ERC1: variants seen among roughly 807,000 people sequenced by gnomAD.
ERC1 encodes the protein RAB6 interacting protein 2.
Under a neutral mutation model 132.0 loss-of-function variants are expected in ERC1, and 56 were observed. The observed-to-expected ratio is 0.42, with a 90% CI of 0.34 to 0.53. ERC1 has a LOEUF of 0.53. ERC1 is among the 20% of genes least tolerant of loss of function. The pLI is 0.03. For synonymous variants in ERC1, 478 were observed against 476.1 expected, an observed-to-expected ratio of 1.00 and a Z score of -0.05; for missense variants, 1,202 against 1,349.9, an observed-to-expected ratio of 0.89 and a Z score of 1.72.
chr12:1,084,868 TA>T (rs149894017), intron 3 of ERC1, among the ~76,000 whole-genome samples: 5 of 150,386 alleles, frequency 3.3e-5, no homozygotes, highest in Admixed American at 6.6e-5. Context: ...ATTTTTAAAT[TA>T]AAAAAAAAAT....
intron 13 of ERC1, among the ~76,000 whole-genome samples, chr12:1,254,940 C>A (rs1202243151): frequency 6.7e-6 from 1 of 150,170 alleles, no homozygotes; most frequent in Non-Finnish European, 1.5e-5. Context: ...CATCTCAAAT[C>A]CACTTTTTTT....
chr12:1,437,967 C>G (rs1173189616), intron 17 of ERC1, among the ~76,000 whole-genome samples: 1 of 152,150 alleles, frequency 6.6e-6, no homozygotes, highest in Non-Finnish European at 1.5e-5. Context: ...CAATCTGAAA[C>G]CTTTGGAGAG....
intron 2 of ERC1, among the ~76,000 whole-genome samples, chr12:1,073,693 C>G (rs1224152308): frequency 6.6e-6 from 1 of 152,066 alleles, no homozygotes; most frequent in African/African-American, 2.4e-5. Flanking sequence ...CAACAAAAAC[C>G]CGTAACATAG....
intron 1 of ERC1, among the ~76,000 whole-genome samples, chr12:1,008,697 T>C (rs531076343): frequency 3.3e-5 from 5 of 152,236 alleles, no homozygotes; most frequent in South Asian, 2.1e-4. Context: ...ATCAGAAATA[T>C]TTCATCTGTA....
chr12:1,157,678 A>G lies in ERC1; in HGVS notation c.1737+15891A>G, dbSNP rs544213485. Among the ~76,000 whole-genome samples the G allele has an allele frequency of 4.6e-5, 7 of 152,230 alleles. No homozygotes were observed. The South Asian group carries it at 1.4e-3, about 32-fold the overall frequency. On this transcript the variant is annotated intron_variant, in intron 8 of 18. Coordinates refer to ENST00000360905, the MANE Select transcript of ERC1 (RefSeq NM_178040.4). ...TGATTTTGTCAAATTTTCCTCTTCC[A>G]AAAAATGAACTTGTTACTTTTTTTA...
chr12:1,138,265 A>AATATAATTACAATATATGATATATATT (rs1380554672), intron 7 of ERC1, among the ~76,000 whole-genome samples: 6 of 134,004 alleles, frequency 4.5e-5, no homozygotes, highest in African/African-American at 1.7e-4. Flanking sequence ...TATATTATAT[A>AATATAATTACAATATATGATATATATT]ATATAATTAC....
chr12:1,099,991 G>C (rs1367895063), intron 3 of ERC1, among the ~76,000 whole-genome samples: 1 of 151,774 alleles, frequency 6.6e-6, no homozygotes, highest in African/African-American at 2.4e-5. Context: ...GGGATTGCAG[G>C]TGCGCACCAC....
At chr12:1,394,024 AAAAAAAAAACAAAAAAAAAACCAC>A (rs2090240420) in intron 16 of ERC1, among the ~76,000 whole-genome samples, 2 of 107,842 alleles carry the variant, frequency 1.9e-5, no homozygotes, top group African/African-American at 4.5e-5. Context: ...TCAAAAAAAA[AAAAAAAAAACAAAAAAAAAACCAC>A]AAAGCATTAA....
intron 15 of ERC1, among the ~76,000 whole-genome samples, chr12:1,290,399 C>T (rs1301397096): frequency 2.0e-5 from 3 of 152,252 alleles, no homozygotes; most frequent in South Asian, 4.1e-4. Flanking sequence ...TCCAAAGGTA[C>T]ACACAGGTAG....
intron 12 of ERC1, among the ~76,000 whole-genome samples, chr12:1,222,515 C>G (rs1959087491): frequency 1.3e-5 from 2 of 152,058 alleles, no homozygotes; most frequent in South Asian, 4.2e-4. Context: ...ACACCTGGCC[C>G]ATATTCTCTA....
chr12:1,092,228 A>C (rs1196973281), intron 3 of ERC1, among the ~76,000 whole-genome samples: 1 of 151,872 alleles, frequency 6.6e-6, no homozygotes, highest in Non-Finnish European at 1.5e-5. Context: ...TGAACTCCTG[A>C]CCTCGTGATC....
intron 17 of ERC1, among the ~76,000 whole-genome samples, chr12:1,439,979 C>T (rs926895878): frequency 2.6e-5 from 4 of 152,098 alleles, no homozygotes; most frequent in African/African-American, 9.7e-5. Context: ...AGTTTTTTTA[C>T]AGATAGATTT....
At chr12:1,268,659 G>A (rs778568214) in intron 14 of ERC1, among the ~76,000 whole-genome samples, 1 of 152,102 alleles carries the variant, frequency 6.6e-6, no homozygotes, top group Non-Finnish European at 1.5e-5. Context: ...ACAGCTACTC[G>A]GGAGGCTGAG....
chr12:1,362,450 C>CTG, intron 15 of ERC1, among the ~76,000 whole-genome samples: 1 of 147,180 alleles, frequency 6.8e-6, no homozygotes, highest in Middle Eastern at 3.6e-3. Flanking sequence ...CTCTCTCTGT[C>CTG]TCTCTCTCTC....
At position 1,291,438 on chromosome 12, in the gene ERC1, A is replaced by G. The variant is rs111330756; in HGVS notation, c.2780+1426A>G. ...TCACTCTGTAGTCACTGCAGGACCC[A>G]CCATATTTTAAAGGTTTAAATTATT... On this transcript the variant is annotated intron_variant, in intron 15 of 18. Transcript: ENST00000360905. 5.2e-3 allele frequency among the ~76,000 whole-genome samples: 792 copies of G among 152,328 alleles called. 10 individuals are homozygous for G. The highest frequency in any genetic ancestry group is 0.018 in the African/African-American group (759 of 41,560).
Position 1,386,682 on chromosome 12 carries a change from TGTC to T in ERC1, c.2925+14706_2925+14708del, listed in dbSNP as rs1196689689. ...AAAAAAAAACATTAAAAAGTACACA[TGTC>T]TAAGTATACATGTCAGTGAAATTTT... On this transcript the variant is annotated intron_variant, in intron 16 of 18. Coordinates refer to ENST00000360905, the MANE Select transcript of ERC1 (RefSeq NM_178040.4). 2.2e-4 allele frequency: 24 copies of T among 108,430 alleles called. No individual in the cohort carries two copies. In the East Asian group the frequency reaches 6.3e-3, roughly 29 times the overall value. 6.7% of individuals were successfully genotyped at this position (108,430 alleles called of 1,614,324 possible).
At chr12:1,033,161 T>C (rs1310348468) in intron 2 of ERC1, among the ~76,000 whole-genome samples, 4 of 151,056 alleles carry the variant, frequency 2.6e-5, no homozygotes, top group African/African-American at 9.7e-5. Context: ...CTCAGCCTCC[T>C]GAGTAGCTGG....
rs542466112 is a variant in ERC1 at position 1,241,259 on chromosome 12, A to G, written c.2487+4355A>G. On this transcript the variant is annotated intron_variant, in intron 13 of 18. Transcript: ENST00000360905. ...TCAAGTTGTTATATTTCATTTCTTC[A>G]GTGACACTGTCCGTTTTTCACATGT... Among the ~76,000 whole-genome samples the G allele has an allele frequency of 4.6e-5, 7 of 152,254 alleles. No homozygotes were observed. In the South Asian group the frequency reaches 1.2e-3, roughly 27 times the overall value.
intron 16 of ERC1, among the ~76,000 whole-genome samples, chr12:1,396,314 T>C (rs1378622714): frequency 6.6e-6 from 1 of 152,228 alleles, no homozygotes; most frequent in Non-Finnish European, 1.5e-5. Flanking sequence ...GTTAGACTCA[T>C]TGCCAAAAAA....
Sources: gnomAD v4.1 joint callset for allele counts (sites outside exome capture counted in the v4.1 genomes callset) on GRCh38, gnomAD v4.1.1 for gene constraint, MANE v1.5 for transcripts, NCBI Gene and HGNC (gene_info 2026-07-23, HGNC 2026-07-21) for gene names.